The following PCDH11X variants were observed in gnomAD, a reference collection of about 807,000 sequenced individuals.
The protein encoded by PCDH11X is protocadherin-11 X-linked.
In PCDH11X, 18 loss-of-function variants were observed where a neutral mutation model predicts 53.3. That is an observed-to-expected ratio of 0.34 (90% CI 0.23 to 0.50). The LOEUF is 0.50. PCDH11X is among the 20% of genes least tolerant of loss of function. The pLI is 0.98. For synonymous variants in PCDH11X, 279 were observed against 393.3 expected (o/e 0.71, Z 3.44); for missense variants, 570 against 1,032.4 (o/e 0.55, Z 6.14).
In PCDH11X at chrX:91,878,136, T is replaced by C. The variant is rs1050664241; in HGVS notation, c.1896T>C (p.Asp632=). Reference sequence around the variant, plus strand: ...TCATCCGACCAAATATTTCATTTGATAGAGAAAAACAAGAATCTTACACTT... The same window carrying C: ...TCATCCGACCAAATATTTCATTTGACAGAGAAAAACAAGAATCTTACACTT... ...TGVIRPNISF[D]REKQESYTFY... is the part of the protein sequence containing the mutation. Residue 632 remains aspartate, a synonymous_variant, in exon 6 of 11, where the codon GAT becomes GAC. Transcript: ENST00000682573. 4.2e-6 allele frequency: 5 copies of C among 1,204,531 alleles called. No individual in the cohort carries two copies. Among genetic ancestry groups the C allele is most frequent in the Non-Finnish European group, 5.6e-6 (5 of 891,543 alleles).
chrX:92,302,630 T>C (rs2068746764), intron 8 of PCDH11X, among the ~76,000 whole-genome samples: 1 of 110,773 alleles, frequency 9.0e-6, no homozygotes, highest in South Asian at 3.9e-4. Context: ...CTTCCACAGA[T>C]TGTGAAGGGG....
intron 6 of PCDH11X, among the ~76,000 whole-genome samples, chrX:92,054,892 G>A (rs1274642056): frequency 2.0e-5 from 2 of 98,942 alleles, no homozygotes; most frequent in African/African-American, 7.3e-5. Flanking sequence ...GTTTAATTTA[G>A]CCTTTGAAAC....
Position 92,576,119 on chromosome X carries a change from G to C in PCDH11X, c.3368-42145G>C, listed in dbSNP as rs1330732196. Reference sequence around the variant, plus strand: ...AATCATTACATCCTCTTGCTGAATTGACCACTTCGTCATTATGCAGCGACT... The same window carrying C: ...AATCATTACATCCTCTTGCTGAATTCACCACTTCGTCATTATGCAGCGACT... On this transcript the variant is annotated intron_variant, in intron 10 of 10. Coordinates refer to ENST00000682573, the MANE Select transcript of PCDH11X (RefSeq NM_032968.5). 3.0e-5 allele frequency among the ~76,000 whole-genome samples: 3 copies of C among 100,227 alleles called. No homozygotes were observed. The Admixed American group carries it at 3.4e-4, about 11-fold the overall frequency. 87.0% of individuals were successfully genotyped at this position (100,227 alleles called of 115,157 possible).
chrX:92,278,074 G>A (rs756636475), intron 8 of PCDH11X, among the ~76,000 whole-genome samples: 3 of 110,205 alleles, frequency 2.7e-5, no homozygotes, highest in East Asian at 2.8e-4. Context: ...TGGATAAAAC[G>A]TGTCTCCTTT....
intron 8 of PCDH11X, among the ~76,000 whole-genome samples, chrX:92,350,825 A>G (rs1164532262): frequency 9.0e-6 from 1 of 111,372 alleles, no homozygotes; most frequent in Non-Finnish European, 1.9e-5. Flanking sequence ...ATGTGCATAA[A>G]AATTGCAGAC....
At chrX:92,479,908 G>A (rs2073467568) in intron 10 of PCDH11X, among the ~76,000 whole-genome samples, 1 of 111,131 alleles carries the variant, frequency 9.0e-6, no homozygotes, top group Non-Finnish European at 1.9e-5. Flanking sequence ...GCTAGGTTGG[G>A]GAAGTGACCA....
In PCDH11X at chrX:91,886,736, C is replaced by T. The variant is rs1478755599; in HGVS notation, c.3033+7463C>T. ...CCTGTATTCCCAGTACTTTGGGAGG[C>T]CAAGGCGGGAGGATCACAAGGTCAG... is the stretch of plus-strand genomic sequence containing the variant. On this transcript the variant is annotated intron_variant, in intron 6 of 10. Coordinates refer to ENST00000682573, the MANE Select transcript of PCDH11X (RefSeq NM_032968.5). Among the ~76,000 whole-genome samples, 15 of 109,467 alleles carry T rather than the reference C, an allele frequency of 1.4e-4. No homozygotes were observed. The South Asian group carries it at 1.6e-3, about 11-fold the overall frequency.
chrX:91,955,355 G>A (rs1166706228), intron 6 of PCDH11X, among the ~76,000 whole-genome samples: 1 of 109,462 alleles, frequency 9.1e-6, no homozygotes, highest in Non-Finnish European at 1.9e-5. Context: ...GGTTACTGTA[G>A]CCTTGTAGTA....
intron 10 of PCDH11X, among the ~76,000 whole-genome samples, chrX:92,480,701 A>C (rs1007953406): frequency 9.0e-6 from 1 of 110,573 alleles, no homozygotes; most frequent in Non-Finnish European, 1.9e-5. Context: ...CTGGCTCCTC[A>C]AAGTTAGGAA....
At chrX:92,399,896 C>A (rs1221371770) in intron 9 of PCDH11X, among the ~76,000 whole-genome samples, 1 of 88,703 alleles carries the variant, frequency 1.1e-5, no homozygotes, top group Non-Finnish European at 2.2e-5. Flanking sequence ...CACTGGCCAC[C>A]ACGCCCGGCT....
intron 1 of PCDH11X, among the ~76,000 whole-genome samples, chrX:91,782,501 A>G (rs746433566): frequency 2.7e-4 from 29 of 108,532 alleles, no homozygotes; most frequent in South Asian, 1.6e-3. Flanking sequence ...CGGCCTCTTT[A>G]AAAAAAAACC....
chrX:92,382,502 A>AATATTT (rs2070899875), intron 8 of PCDH11X, among the ~76,000 whole-genome samples: 1 of 111,388 alleles, frequency 9.0e-6, no homozygotes, highest in African/African-American at 3.3e-5. Context: ...GAAATGTAAA[A>AATATTT]ATATTTACCT....
Position 92,372,918 on chromosome X carries a change from A to G in PCDH11X, c.3145-14817A>G, listed in dbSNP as rs189150742. Among the ~76,000 whole-genome samples, 440 of 111,338 alleles carry G rather than the reference A, an allele frequency of 4.0e-3. 2 individuals carry two copies. The highest frequency in any genetic ancestry group is 0.014 in the African/African-American group (420 of 30,664). ...AAAATATTTTACACCATAAATGACT[A>G]TTCATTAACTAGATTGAATCATCTG... is the stretch of plus-strand genomic sequence containing the variant. On this transcript the variant is annotated intron_variant, in intron 8 of 10. Coordinates refer to ENST00000682573, the MANE Select transcript of PCDH11X (RefSeq NM_032968.5).
intron 6 of PCDH11X, among the ~76,000 whole-genome samples, chrX:91,951,118 G>A (rs762036524): frequency 1.3e-4 from 14 of 111,006 alleles, no homozygotes; most frequent in South Asian, 3.7e-4. Context: ...CATCCATAAC[G>A]TATTATTTTT....
chrX:92,232,618 C>T, intron 7 of PCDH11X, among the ~76,000 whole-genome samples: 1 of 112,039 alleles, frequency 8.9e-6, no homozygotes, highest in Non-Finnish European at 1.9e-5. Flanking sequence ...TTTTCAGATC[C>T]TATAGACATA....
intron 6 of PCDH11X, among the ~76,000 whole-genome samples, chrX:91,944,340 C>T (rs1193590485): frequency 1.9e-5 from 2 of 106,021 alleles, no homozygotes; most frequent in African/African-American, 3.4e-5. Context: ...AAAAAAACTA[C>T]GTCAAAACTA....
chrX:91,955,405 A>T (rs757736366), intron 6 of PCDH11X, among the ~76,000 whole-genome samples: 1 of 110,163 alleles, frequency 9.1e-6, no homozygotes, highest in African/African-American at 3.3e-5. Context: ...CAGCTTTTTG[A>T]TGTGAGCATT....
In PCDH11X at chrX:91,848,062, T is replaced by C. The variant is rs1268321133; in HGVS notation, c.540+12018T>C. Among the ~76,000 whole-genome samples, 4 of 111,707 alleles carry C rather than the reference T, an allele frequency of 3.6e-5. No individual in the cohort carries two copies. In the Admixed American group the frequency reaches 3.8e-4, roughly 11 times the overall value. ...CCTTTTCTACACATATTTCCCTAAATAGCCATTTGTCTACAGGCCATGTGA... is the reference window on the plus strand; with the variant it reads ...CCTTTTCTACACATATTTCCCTAAACAGCCATTTGTCTACAGGCCATGTGA... On this transcript the variant is annotated intron_variant, in intron 5 of 10. Coordinates refer to ENST00000682573, the MANE Select transcript of PCDH11X (RefSeq NM_032968.5).
chrX:92,161,871 A>T (rs1603084694), intron 6 of PCDH11X, among the ~76,000 whole-genome samples: 1 of 68,858 alleles, frequency 1.5e-5, no homozygotes, highest in South Asian at 7.5e-4. Context: ...TAAAGTTGTC[A>T]TTGTTTTTTA....
Sources: gnomAD v4.1 joint callset for allele counts (sites outside exome capture counted in the v4.1 genomes callset) on GRCh38, gnomAD v4.1.1 for gene constraint, MANE v1.5 for transcripts, NCBI Gene and HGNC (gene_info 2026-07-23, HGNC 2026-07-21) for gene names.